DPP6: variants seen among roughly 807,000 people sequenced by gnomAD.
The protein encoded by DPP6 is A-type potassium channel modulatory protein DPP6.
A neutral mutation model predicts 122.6 loss-of-function variants in DPP6; 69 were observed. The observed-to-expected ratio is 0.56, with a 90% CI of 0.46 to 0.69. DPP6 has a LOEUF of 0.69. Ranked by LOEUF, DPP6 falls within the 30% of genes least tolerant of loss-of-function variation. The probability of loss-of-function intolerance (pLI) is 0.00; values close to 1 mark genes in which losing one functional copy is unlikely to be tolerated. For synonymous variants in DPP6, 418 were observed against 433.1 expected, an observed-to-expected ratio of 0.97 and a Z score of 0.43; for missense variants, 928 against 1,116.9, an observed-to-expected ratio of 0.83 and a Z score of 2.41.
intron 8 of DPP6, among the ~76,000 whole-genome samples, chr7:154,738,888 A>G (rs1842691954): frequency 6.6e-6 from 1 of 152,160 alleles, no homozygotes; most frequent in Non-Finnish European, 1.5e-5. Flanking sequence ...GTAGCAAAAA[A>G]CAAACAAAAG....
chr7:154,157,498 C>A (rs185708569), intron 1 of DPP6, among the ~76,000 whole-genome samples: 1 of 152,194 alleles, frequency 6.6e-6, no homozygotes, highest in Non-Finnish European at 1.5e-5. Context: ...CTTTTATTGG[C>A]TCATAGTGAC....
At chr7:154,149,370 G>A (rs997712806) in intron 1 of DPP6, among the ~76,000 whole-genome samples, 1 of 151,974 alleles carries the variant, frequency 6.6e-6, no homozygotes, top group Admixed American at 6.5e-5. Flanking sequence ...GAATTGCAGT[G>A]AGATTCCTTC....
chr7:154,649,998 C>T (rs1323613433), intron 6 of DPP6, among the ~76,000 whole-genome samples: 1 of 152,018 alleles, frequency 6.6e-6, no homozygotes, highest in East Asian at 1.9e-4. Context: ...GGTAGTCCTC[C>T]TAAGGAAGAG....
chr7:154,487,133 T>A (rs1046069697), intron 3 of DPP6, among the ~76,000 whole-genome samples: 1 of 152,198 alleles, frequency 6.6e-6, no homozygotes, highest in African/African-American at 2.4e-5. Flanking sequence ...CAGGCTCTTC[T>A]TTTTTTGTTT....
intron 1 of DPP6, among the ~76,000 whole-genome samples, chr7:154,068,788 G>T (rs1179515833): frequency 8.1e-5 from 1 of 12,368 alleles, no homozygotes; most frequent in Non-Finnish European, 1.5e-4. Flanking sequence ...GCGCCCGGGC[G>T]GGTCTTAGGT....
In DPP6 at chr7:154,045,777, T is replaced by C. The variant is rs2533755; in HGVS notation, c.51+158043T>C. Among the ~76,000 whole-genome samples, 43 of 152,354 alleles carry C rather than the reference T, an allele frequency of 2.8e-4. 1 individual carries two copies. The South Asian group carries it at 8.7e-3, about 31-fold the overall frequency. On this transcript the variant is annotated intron_variant, in intron 1 of 25. Coordinates refer to the DPP6 transcript ENST00000404039. ...AGTAAAGCATTATCAGTCGGATAAT[T>C]TGTAGTATCAGTCTTGCTTCACTTT...
At chr7:153,810,163 C>T in the DPP6 span, among the ~76,000 whole-genome samples, 1 of 152,220 alleles carries the variant, frequency 6.6e-6, no homozygotes, top group Non-Finnish European at 1.5e-5. Context: ...TGCTTCTCAT[C>T]TCACAGCTGT....
chr7:154,642,877 G>A (rs1042440901), intron 6 of DPP6, among the ~76,000 whole-genome samples: 70 of 152,182 alleles, frequency 4.6e-4, no homozygotes, highest in African/African-American at 1.6e-3. Flanking sequence ...ACTCCAGCCT[G>A]GGTGGGAGAG....
the DPP6 span, among the ~76,000 whole-genome samples, chr7:153,845,943 AT>A: frequency 2.0e-5 from 3 of 152,140 alleles, no homozygotes; most frequent in African/African-American, 7.2e-5. Flanking sequence ...TTATTTAATT[AT>A]TTTGATTAAA....
intron 1 of DPP6, among the ~76,000 whole-genome samples, chr7:154,149,326 C>A (rs1208542770): frequency 7.9e-5 from 12 of 152,364 alleles, no homozygotes; most frequent in Non-Finnish European, 1.5e-4. Context: ...CCTGTTGTTT[C>A]AAGCCCTGCC....
intron 7 of DPP6, among the ~76,000 whole-genome samples, chr7:154,695,743 C>T (rs1483248613): frequency 6.6e-6 from 1 of 151,960 alleles, no homozygotes; most frequent in Non-Finnish European, 1.5e-5. Context: ...AGGGAGGTGC[C>T]GAGGGTAGGA....
At chr7:154,434,826 T>C (rs1337241307) in intron 1 of DPP6, among the ~76,000 whole-genome samples, 1 of 152,100 alleles carries the variant, frequency 6.6e-6, no homozygotes, top group Non-Finnish European at 1.5e-5. Flanking sequence ...AGAATTTATT[T>C]TATTCTATTT....
chr7:154,610,103 T>A (rs1833813119), intron 5 of DPP6, among the ~76,000 whole-genome samples: 1 of 152,190 alleles, frequency 6.6e-6, no homozygotes, highest in Non-Finnish European at 1.5e-5. Context: ...AAATAGTCTC[T>A]GACCCCTGGA....
chr7:154,378,425 A>G (rs192829002), intron 1 of DPP6, among the ~76,000 whole-genome samples: 65 of 152,370 alleles, frequency 4.3e-4, no homozygotes, highest in Admixed American at 4.2e-3. Context: ...ACAAATGACC[A>G]TAGACTGGAT....
At chr7:154,109,060 G>A (rs1001101104) in intron 1 of DPP6, among the ~76,000 whole-genome samples, 4 of 152,204 alleles carry the variant, frequency 2.6e-5, no homozygotes, top group African/African-American at 9.7e-5. Flanking sequence ...AATTATACAG[G>A]AAAACGTCTA....
intron 7 of DPP6, among the ~76,000 whole-genome samples, chr7:154,672,368 T>C (rs1838621183): frequency 6.6e-6 from 1 of 152,234 alleles, no homozygotes; most frequent in Admixed American, 6.5e-5. Flanking sequence ...CTGTTTCATC[T>C]TCGTATTCTA....
the DPP6 span, among the ~76,000 whole-genome samples, chr7:153,880,155 A>G: frequency 1.3e-5 from 2 of 152,222 alleles, no homozygotes; most frequent in African/African-American, 4.8e-5. Flanking sequence ...TTTGTTACAT[A>G]TAAGTTCTAT....
chr7:153,937,054 C>T (rs531079004), intron 1 of DPP6, among the ~76,000 whole-genome samples: 48 of 152,152 alleles, frequency 3.2e-4, no homozygotes, highest in Non-Finnish European at 5.9e-4. Context: ...CGCTGGTGGA[C>T]TTAGGGTCCC....
intron 1 of DPP6, among the ~76,000 whole-genome samples, chr7:154,195,042 CT>C (rs1487647955): frequency 6.6e-6 from 1 of 152,136 alleles, no homozygotes; most frequent in Admixed American, 6.5e-5. Flanking sequence ...CTTTTGGTGA[CT>C]GCCTAGGAAA....
Sources: gnomAD v4.1 joint callset for allele counts (sites outside exome capture counted in the v4.1 genomes callset) on GRCh38, gnomAD v4.1.1 for gene constraint, MANE v1.5 for transcripts, NCBI Gene and HGNC (gene_info 2026-07-23, HGNC 2026-07-21) for gene names.